Variants in SCG3 observed in about 807,000 individuals in gnomAD.
The protein encoded by SCG3 is secretogranin III, also known as secretogranin-3.
Under a neutral mutation model 56.2 loss-of-function variants are expected in SCG3, and 38 were observed. The observed-to-expected ratio is 0.68, with a 90% CI of 0.52 to 0.89. The LOEUF (loss-of-function observed/expected upper bound fraction) is 0.89. Ranked by LOEUF, SCG3 falls within the 40% of genes least tolerant of loss-of-function variation. The pLI is 0.00. For missense variants in SCG3, 524 were observed against 540.7 expected (o/e 0.97, Z 0.31); for synonymous variants, 176 against 184.2 (o/e 0.96, Z 0.36).
In SCG3 at chr15:51,692,140, T is replaced by G; in HGVS notation, c.691-19T>G. 1 of 1,575,082 alleles carries G rather than the reference T, an allele frequency of 6.3e-7. No homozygotes were observed. The highest frequency in any genetic ancestry group is 8.6e-7 in the Non-Finnish European group (1 of 1,162,662). Reference sequence around the variant, plus strand: ...TTCTAACAAAATGTTCATTTTTTATTGATTTTTCCCCACTGGAGACTCCAA... The same window carrying G: ...TTCTAACAAAATGTTCATTTTTTATGGATTTTTCCCCACTGGAGACTCCAA... On this transcript the variant is annotated intron_variant, in intron 6 of 11. Coordinates refer to ENST00000220478, the MANE Select transcript of SCG3 (RefSeq NM_013243.4).
Position 51,708,799 on chromosome 15 carries a change from C to T in SCG3, c.1208-4534C>T, listed in dbSNP as rs547624739. 3.6e-4 allele frequency among the ~76,000 whole-genome samples: 55 copies of T among 151,788 alleles called. No homozygotes were observed. The South Asian group carries it at 0.01, about 28-fold the overall frequency. On this transcript the variant is annotated intron_variant, in intron 10 of 11. Coordinates refer to ENST00000220478, the MANE Select transcript of SCG3 (RefSeq NM_013243.4). ...GCGTAAATCCGGGAGGCGGAGTTTG[C>T]GGTGAGCCGAGACTGCACCACTGCA...
At chr15:51,697,132 C>CTGTGTGTGTGTGTGTGTGTG (rs3078107) in intron 8 of SCG3, among the ~76,000 whole-genome samples, 14 of 145,922 alleles carry the variant, frequency 9.6e-5, no homozygotes, top group East Asian at 2.0e-4. Context: ...AGATGTTATT[C>CTGTGTGTGTGTGTGTGTGTG]TGTGTGTGTG....
intron 10 of SCG3, among the ~76,000 whole-genome samples, chr15:51,708,965 G>T (rs112757937): frequency 6.6e-6 from 1 of 152,114 alleles, no homozygotes; most frequent in Non-Finnish European, 1.5e-5. Flanking sequence ...GTCATTAAAG[G>T]CTCCATATTT....
At chr15:51,718,781 A>C (rs1190080800) in intron 11 of SCG3, among the ~76,000 whole-genome samples, 2 of 152,130 alleles carry the variant, frequency 1.3e-5, no homozygotes, top group African/African-American at 4.8e-5. Flanking sequence ...AAGAGTTTAC[A>C]GTTTGGCTTT....
chr15:51,716,894 G>C (rs991034121), intron 11 of SCG3, among the ~76,000 whole-genome samples: 7 of 152,232 alleles, frequency 4.6e-5, no homozygotes, highest in African/African-American at 1.7e-4. Flanking sequence ...CTGGCTTCAA[G>C]TTTCGGTTTC....
chr15:51,700,287 T>C (rs1211284170), intron 9 of SCG3, among the ~76,000 whole-genome samples: 2 of 152,232 alleles, frequency 1.3e-5, no homozygotes, highest in African/African-American at 4.8e-5. Context: ...CACTAACTGA[T>C]TTCTTTCTTT....
chr15:51,701,543 T>C (rs530084665), intron 10 of SCG3, among the ~76,000 whole-genome samples: 28 of 152,316 alleles, frequency 1.8e-4, no homozygotes, highest in African/African-American at 5.3e-4. Context: ...TAATTTATAA[T>C]CTTATGAATT....
chr15:51,709,265 G>A (rs1194716786), intron 10 of SCG3, among the ~76,000 whole-genome samples: 1 of 151,994 alleles, frequency 6.6e-6, no homozygotes, highest in East Asian at 1.9e-4. Flanking sequence ...AGCAGCATGG[G>A]GGTAACCGCC....
chr15:51,700,092 T>C (rs2055329656), intron 9 of SCG3, among the ~76,000 whole-genome samples: 1 of 152,238 alleles, frequency 6.6e-6, no homozygotes, highest in South Asian at 2.1e-4. Context: ...AGAAATTATA[T>C]ACATATTCTT....
At chr15:51,701,354 C>T (rs2141571320) in intron 10 of SCG3, 110 bp downstream of exon 10, 1 of 1,134,042 alleles carries the variant, frequency 8.8e-7, no homozygotes, top group Non-Finnish European at 1.2e-6. Context: ...GAGAAATTGA[C>T]ACAATCTGTA....
In SCG3 at chr15:51,695,864, C is replaced by T. The variant is rs755436084; in HGVS notation, c.869-11C>T. On this transcript the variant is annotated splice_polypyrimidine_tract_variant and intron_variant, in intron 7 of 11. Coordinates refer to ENST00000220478, the MANE Select transcript of SCG3 (RefSeq NM_013243.4). Reference sequence around the variant, plus strand: ...CCCCACAGTTTTAAGTTATTTTGTTCTTTCATATAGAAAAAGAAGCAAAAG... The same window carrying T: ...CCCCACAGTTTTAAGTTATTTTGTTTTTTCATATAGAAAAAGAAGCAAAAG... 6.9e-7 allele frequency: 1 copy of T among 1,449,062 alleles called. No homozygotes were observed. Among genetic ancestry groups the T allele is most frequent in the East Asian group, 2.3e-5 (1 of 43,892 alleles). The allele number at this position is 1,449,062 out of a possible 1,614,324, so 89.8% of individuals were successfully genotyped here.
At chr15:51,700,151 A>G (rs2055329983) in intron 9 of SCG3, among the ~76,000 whole-genome samples, 1 of 152,198 alleles carries the variant, frequency 6.6e-6, no homozygotes, top group Admixed American at 6.5e-5. Context: ...GCAGTTTTTA[A>G]TTACCTGGAA....
chr15:51,718,300 G>A (rs1341874594), intron 11 of SCG3, among the ~76,000 whole-genome samples: 1 of 152,162 alleles, frequency 6.6e-6, no homozygotes, highest in Non-Finnish European at 1.5e-5. Context: ...GCTGTAAAGT[G>A]TCCAGTGCTG....
At position 51,719,511 on chromosome 15, in the gene SCG3, T is replaced by A. The variant is rs2055482144; in HGVS notation, c.1392T>A (p.Ile464=). 1.2e-6 allele frequency: 2 copies of A among 1,613,310 alleles called. No homozygotes were observed. Among genetic ancestry groups the A allele is most frequent in the African/African-American group, 2.7e-5 (2 of 75,002 alleles). The change falls in exon 12 of 12, where the codon ATT becomes ATA. Residue 464 remains isoleucine (I), a synonymous_variant. Transcript: ENST00000220478. ...AAGAAGCCGAGGCCATCAAGCGCAT[T>A]TATAGCAGCCTGTAAAAATGGCAAA... ...DKEEAEAIKR[I]YSSL
chr15:51,715,842 C>G (rs2055451269), intron 11 of SCG3, among the ~76,000 whole-genome samples: 1 of 151,744 alleles, frequency 6.6e-6, no homozygotes, highest in Non-Finnish European at 1.5e-5. Flanking sequence ...CTCTTCACAT[C>G]TGTCTTTGGG....
chr15:51,714,405 G>A (rs1567223614), intron 11 of SCG3, among the ~76,000 whole-genome samples: 1 of 152,124 alleles, frequency 6.6e-6, no homozygotes, highest in East Asian at 1.9e-4. Context: ...CAGAAATATG[G>A]GGCTGTAAAC....
chr15:51,688,541 C>A, intron 5 of SCG3, 139 bp downstream of exon 5: 1 of 681,654 alleles, frequency 1.5e-6, no homozygotes, highest in Non-Finnish European at 2.3e-6. Flanking sequence ...TAAGGACAAG[C>A]AAAGCACCAT....
chr15:51,696,274 G>T (rs561858786), intron 8 of SCG3, among the ~76,000 whole-genome samples: 17 of 152,294 alleles, frequency 1.1e-4, no homozygotes, highest in African/African-American at 3.1e-4. Context: ...TCTAGGCCAG[G>T]TGCGGTGGCT....
intron 10 of SCG3, among the ~76,000 whole-genome samples, chr15:51,704,059 A>G (rs1716006172): frequency 6.6e-6 from 1 of 151,700 alleles, no homozygotes; most frequent in African/African-American, 2.4e-5. Context: ...GAAAGCAGTA[A>G]TGATCAATTA....
Sources: allele counts gnomAD v4.1 joint callset (sites outside exome capture counted in the v4.1 genomes callset), GRCh38; gene constraint gnomAD v4.1.1; transcripts MANE v1.5; gene names NCBI Gene and HGNC (gene_info 2026-07-23, HGNC 2026-07-21).